INPP4B: variants seen among roughly 807,000 people sequenced by gnomAD.
INPP4B encodes the protein inositol polyphosphate 4-phosphatase type II.
A neutral mutation model predicts 122.5 loss-of-function variants in INPP4B; 55 were observed. The observed-to-expected ratio is 0.45, with a 90% CI of 0.36 to 0.56. The LOEUF (loss-of-function observed/expected upper bound fraction) is 0.56. Ranked by LOEUF, INPP4B falls within the 20% of genes least tolerant of loss-of-function variation. The pLI, the probability that INPP4B is intolerant of heterozygous loss-of-function variation, is 0.00. For synonymous variants in INPP4B, 403 were observed against 388.7 expected (o/e 1.04, Z -0.43); for missense variants, 1,000 against 1,097.7 (o/e 0.91, Z 1.26).
At chr4:142,647,835 C>T (rs760284116) in intron 2 of INPP4B, among the ~76,000 whole-genome samples, 2 of 152,252 alleles carry the variant, frequency 1.3e-5, no homozygotes, top group African/African-American at 2.4e-5. Context: ...TAAAGCATCA[C>T]GCTCAGGGCT....
At chr4:142,159,641 G>A (rs1819040246) in intron 17 of INPP4B, among the ~76,000 whole-genome samples, 3 of 151,910 alleles carry the variant, frequency 2.0e-5, no homozygotes, top group Non-Finnish European at 4.4e-5. Context: ...GTGTGTGTGT[G>A]TAATATGCAT....
intron 11 of INPP4B, among the ~76,000 whole-genome samples, chr4:142,256,451 C>G (rs994213919): frequency 6.6e-6 from 1 of 152,056 alleles, no homozygotes; most frequent in Non-Finnish European, 1.5e-5. Context: ...AACTGATAGA[C>G]CACTAGCAAG....
intron 2 of INPP4B, among the ~76,000 whole-genome samples, chr4:142,677,059 T>A (rs879513753): frequency 3.9e-5 from 6 of 152,082 alleles, no homozygotes; most frequent in Admixed American, 6.6e-5. Flanking sequence ...ACATGCAATC[T>A]ACAGAATAGG....
chr4:142,685,946 AG>A (rs909886261), intron 2 of INPP4B, among the ~76,000 whole-genome samples: 15 of 152,118 alleles, frequency 9.9e-5, no homozygotes, highest in African/African-American at 3.6e-4. Flanking sequence ...TTAGAAAACT[AG>A]AGTTTTGACG....
intron 2 of INPP4B, among the ~76,000 whole-genome samples, chr4:142,666,859 G>T (rs1271302041): frequency 1.3e-5 from 2 of 152,146 alleles, no homozygotes; most frequent in African/African-American, 4.8e-5. Context: ...TATATGAATG[G>T]AAGGTCAACA....
rs549822410 is a variant in INPP4B at position 142,799,344 on chromosome 4, TG to T, written c.-254+46864del. The stretch of plus-strand genomic sequence containing the variant: ...GTACACATTAAAAGGTATATATTTG[TG>T]GAAAAATTAGACAATTCCAAAAAAC... On this transcript the variant is annotated intron_variant, in intron 1 of 25. Transcript: ENST00000262992. Among the ~76,000 whole-genome samples, 6 of 152,026 alleles carry T rather than the reference TG, an allele frequency of 3.9e-5. No individual in the cohort carries two copies. In the South Asian group the frequency reaches 1.2e-3, roughly 31 times the overall value.
Position 142,081,083 on chromosome 4 carries a change from C to T in INPP4B, c.2642+948G>A, listed in dbSNP as rs527942682. Among the ~76,000 whole-genome samples, 171 of 152,192 alleles carry T rather than the reference C, an allele frequency of 1.1e-3. 1 individual carries two copies. The highest frequency in any genetic ancestry group is 2.2e-3 in the Admixed American group (33 of 15,264). ...GAAATACAGAACTTCAGAAACCTCT[C>T]GTTAGTGAGAAAACACAGAGGCATA... On this transcript the variant is annotated intron_variant, in intron 25 of 25. Coordinates refer to ENST00000262992, the MANE Select transcript of INPP4B (RefSeq NM_001101669.3).
chr4:142,834,180 G>T (rs904548790), intron 1 of INPP4B, among the ~76,000 whole-genome samples: 1 of 151,962 alleles, frequency 6.6e-6, no homozygotes, highest in Non-Finnish European at 1.5e-5. Flanking sequence ...AATCATTTTT[G>T]GAAGTATGCA....
intron 9 of INPP4B, among the ~76,000 whole-genome samples, chr4:142,292,544 T>TA (rs1756893574): frequency 1.3e-5 from 2 of 152,212 alleles, no homozygotes; most frequent in African/African-American, 4.8e-5. Context: ...AATCCCCACT[T>TA]ACACCATTTC....
At chr4:142,824,557 T>C (rs962129236) in intron 1 of INPP4B, among the ~76,000 whole-genome samples, 1 of 152,144 alleles carries the variant, frequency 6.6e-6, no homozygotes, top group African/African-American at 2.4e-5. Flanking sequence ...CCAAGAGCTA[T>C]GGCTTTTCTG....
At chr4:142,573,002 T>C (rs185430666) in intron 2 of INPP4B, among the ~76,000 whole-genome samples, 349 of 152,068 alleles carry the variant, frequency 2.3e-3, no homozygotes, top group African/African-American at 7.8e-3. Context: ...GGGTAATTTA[T>C]GAAGAAGAGA....
At chr4:142,840,653 A>G (rs1203817292) in intron 1 of INPP4B, among the ~76,000 whole-genome samples, 1 of 152,154 alleles carries the variant, frequency 6.6e-6, no homozygotes, top group Non-Finnish European at 1.5e-5. Context: ...TATGTTTAAA[A>G]GAAAAGTTTT....
chr4:142,036,958 A>C (rs1460753030), intron 25 of INPP4B, among the ~76,000 whole-genome samples: 1 of 152,222 alleles, frequency 6.6e-6, no homozygotes, highest in Non-Finnish European at 1.5e-5. Context: ...TGCAAAATGC[A>C]AGGGATGTTT....
chr4:142,407,968 T>A (rs17016047), intron 5 of INPP4B, among the ~76,000 whole-genome samples: 1 of 152,206 alleles, frequency 6.6e-6, no homozygotes, highest in Admixed American at 6.5e-5. Flanking sequence ...GTTTTATTAT[T>A]GTGTAAAATT....
intron 15 of INPP4B, among the ~76,000 whole-genome samples, chr4:142,184,086 G>T (rs1166920098): frequency 6.6e-6 from 1 of 152,110 alleles, no homozygotes; most frequent in Admixed American, 6.6e-5. Flanking sequence ...TACAATTAAA[G>T]TCATTTCCTT....
chr4:142,451,944 T>C (rs1051079349), intron 3 of INPP4B, among the ~76,000 whole-genome samples: 1 of 152,156 alleles, frequency 6.6e-6, no homozygotes, highest in African/African-American at 2.4e-5. Context: ...TGGGTACATG[T>C]GCCCAACGTG....
chr4:142,828,580 G>T (rs926174031), intron 1 of INPP4B, among the ~76,000 whole-genome samples: 3 of 152,154 alleles, frequency 2.0e-5, no homozygotes, highest in Admixed American at 6.6e-5. Flanking sequence ...TGGAGAAAAA[G>T]TTCCTCAACT....
chr4:142,569,744 T>C (rs1196331421), intron 2 of INPP4B, among the ~76,000 whole-genome samples: 1 of 152,154 alleles, frequency 6.6e-6, no homozygotes. Context: ...GCTCATTGAA[T>C]TTGTGCTTTC....
At chr4:142,347,652 T>C (rs1780699840) in intron 7 of INPP4B, 2 of 329,434 alleles carry the variant, frequency 6.1e-6, no homozygotes, top group Non-Finnish European at 1.2e-5. Flanking sequence ...TAAAAATTCA[T>C]TAATTAAAAT....
Sources: allele counts gnomAD v4.1 joint callset (sites outside exome capture counted in the v4.1 genomes callset), GRCh38; gene constraint gnomAD v4.1.1; transcripts MANE v1.5; gene names NCBI Gene and HGNC (gene_info 2026-07-23, HGNC 2026-07-21).